The following AFF1 variants were observed in gnomAD, a reference collection of about 807,000 sequenced individuals.
AFF1 encodes the protein AF4/FMR2 family member 1.
In AFF1, 48 loss-of-function variants were observed where a neutral mutation model predicts 121.7. The observed-to-expected ratio is 0.39, with a 90% CI of 0.31 to 0.50. AFF1 has a LOEUF of 0.50. AFF1 is among the 20% of genes least tolerant of loss of function. The probability of loss-of-function intolerance (pLI) is 0.76; values close to 1 mark genes in which losing one functional copy is unlikely to be tolerated. For missense variants in AFF1, 1,523 were observed against 1,511.7 expected (o/e 1.01, Z -0.12); for synonymous variants, 613 against 563.0 (o/e 1.09, Z -1.26).
chr4:87,026,794 T>C (rs7699431), intron 2 of AFF1, among the ~76,000 whole-genome samples: 2,850 of 152,318 alleles, frequency 0.019, 93 homozygotes, highest in African/African-American at 0.065. Context: ...GATTTACTTA[T>C]GTAAAATGCT....
chr4:87,048,203 C>A (rs536421890), intron 4 of AFF1, among the ~76,000 whole-genome samples: 1 of 152,116 alleles, frequency 6.6e-6, no homozygotes, highest in African/African-American at 2.4e-5. Flanking sequence ...TTATTTATCA[C>A]CTAAAAAAGA....
At chr4:87,011,561 A>T (rs962021515) in intron 2 of AFF1, among the ~76,000 whole-genome samples, 1 of 152,248 alleles carries the variant, frequency 6.6e-6, no homozygotes, top group Non-Finnish European at 1.5e-5. Context: ...CTTTGATTAA[A>T]AATGAGCCAT....
rs998087232 is a variant in AFF1, at chr4:86,953,072, TGCTA to T, written c.38+4503_38+4506del. On this transcript the variant is annotated intron_variant, in intron 2 of 20. Coordinates refer to ENST00000395146, the MANE Select transcript of AFF1 (RefSeq NM_001166693.3). Reference sequence around the variant, plus strand: ...ATTCTATGACATATTTTTTTTGTTTTGCTAGTTATTAAGTTTGGATGGGTAACTG... The same window carrying T: ...ATTCTATGACATATTTTTTTTGTTTTGTTATTAAGTTTGGATGGGTAACTG... Among the ~76,000 whole-genome samples the T allele has an allele frequency of 4.6e-5, 7 of 151,990 alleles. No individual in the cohort carries two copies. In the South Asian group the frequency reaches 6.2e-4, roughly 14 times the overall value.
chr4:87,092,654 A>C (rs1438399794), intron 7 of AFF1, among the ~76,000 whole-genome samples: 1 of 152,066 alleles, frequency 6.6e-6, no homozygotes, highest in Non-Finnish European at 1.5e-5. Flanking sequence ...AAAAACCTAA[A>C]ATATTTATTG....
At chr4:86,998,126 A>AAC (rs1186800861) in intron 2 of AFF1, among the ~76,000 whole-genome samples, 1 of 132,776 alleles carries the variant, frequency 7.5e-6, no homozygotes, top group Non-Finnish European at 1.6e-5. Context: ...AAAAAAAAAA[A>AAC]ACAAGAAAAC....
At chr4:87,101,690 A>G (rs915615275) in intron 8 of AFF1, among the ~76,000 whole-genome samples, 2 of 151,970 alleles carry the variant, frequency 1.3e-5, no homozygotes, top group African/African-American at 4.8e-5. Flanking sequence ...CAGATTTGTG[A>G]GATTCTATAA....
Position 87,114,456 on chromosome 4 carries a change from C to T in AFF1, c.1623C>T (p.Ser541=), listed in dbSNP as rs769284405. 6.2e-7 allele frequency: 1 copy of T among 1,613,732 alleles called. No individual in the cohort carries two copies. Among genetic ancestry groups the T allele is most frequent in the South Asian group, 1.1e-5 (1 of 91,076 alleles). The change falls in exon 12 of 21, where the codon AGC becomes AGT. Residue 541 remains serine (S), a synonymous_variant. Transcript: ENST00000395146. ...CTGCGCCACCAGAGGGCCCCAGGAG[C>T]ACAGAGCCCCCACGGCGGCACCCAG... is the stretch of plus-strand genomic sequence containing the variant. ...QPAAPPEGPR[S]TEPPRRHPES...
In AFF1 at chr4:87,136,038, A is replaced by G. The variant is rs560595342; in HGVS notation, c.*337A>G. 2 of 261,014 alleles carry G rather than the reference A, an allele frequency of 7.7e-6. No homozygotes were observed. Among genetic ancestry groups the G allele is most frequent in the Non-Finnish European group, 1.5e-5 (2 of 137,370 alleles). The allele number at this position is 261,014 out of a possible 1,614,324, so 16.2% of individuals were successfully genotyped here. On this transcript the variant is annotated 3_prime_UTR_variant, in exon 21 of 21. Coordinates refer to ENST00000395146, the MANE Select transcript of AFF1 (RefSeq NM_001166693.3). ...CCAGCAGGATACAAGTTGCAAATGA[A>G]ATGAGGAGAAACAGTTTCAACTCTG...
intron 2 of AFF1, among the ~76,000 whole-genome samples, chr4:87,023,598 T>C (rs1369763471): frequency 2.0e-5 from 3 of 152,184 alleles, no homozygotes; most frequent in African/African-American, 7.2e-5. Context: ...TGTAGATAGT[T>C]TCCAGTTTAC....
At chr4:87,028,551 G>A (rs900851837) in intron 2 of AFF1, among the ~76,000 whole-genome samples, 5 of 152,092 alleles carry the variant, frequency 3.3e-5, no homozygotes, top group Admixed American at 3.3e-4. Flanking sequence ...GATGAGTTGT[G>A]TGTGCTTGAT....
At chr4:87,133,239 G>GA (rs1331455464) in intron 19 of AFF1, among the ~76,000 whole-genome samples, 1 of 152,074 alleles carries the variant, frequency 6.6e-6, no homozygotes, top group Admixed American at 6.5e-5. Context: ...TAAGTTATTA[G>GA]AAAAAAAGAA....
intron 2 of AFF1, among the ~76,000 whole-genome samples, chr4:86,985,915 A>G (rs1360249486): frequency 8.7e-6 from 1 of 114,666 alleles, no homozygotes; most frequent in Non-Finnish European, 2.1e-5. Context: ...CTCTCTCTGA[A>G]TAAGCAAAGA....
At chr4:87,007,022 T>C in intron 2 of AFF1, 1 of 1,139,688 alleles carries the variant, frequency 8.8e-7, no homozygotes, top group Non-Finnish European at 1.1e-6. Context: ...GTGGCCCGCG[T>C]TGTGCTGTTG....
chr4:86,985,181 C>CTATATATATATATATATATATA (rs55891819), intron 2 of AFF1, among the ~76,000 whole-genome samples: 167 of 96,410 alleles, frequency 1.7e-3, no homozygotes, highest in East Asian at 3.9e-3. Flanking sequence ...ATATGTATTA[C>CTATATATATATATATATATATA]TATATATATA....
chr4:86,993,617 A>G (rs1277952060), intron 2 of AFF1, among the ~76,000 whole-genome samples: 1 of 152,184 alleles, frequency 6.6e-6, no homozygotes, highest in Non-Finnish European at 1.5e-5. Context: ...ATTTTATAGT[A>G]CTGTGCTTCT....
chr4:87,031,786 G>A (rs1444834753), intron 2 of AFF1, among the ~76,000 whole-genome samples: 1 of 152,184 alleles, frequency 6.6e-6, no homozygotes, highest in East Asian at 1.9e-4. Context: ...ATATATTAGT[G>A]TCTGCTTTTC....
chr4:86,983,634 C>T (rs1005054088), intron 2 of AFF1, among the ~76,000 whole-genome samples: 1 of 151,756 alleles, frequency 6.6e-6, no homozygotes, highest in Non-Finnish European at 1.5e-5. Flanking sequence ...GCATGAACCC[C>T]GGAGGTGGAG....
At chr4:87,044,179 A>G (rs1473152598) in intron 2 of AFF1, among the ~76,000 whole-genome samples, 5 of 152,176 alleles carry the variant, frequency 3.3e-5, no homozygotes, top group Non-Finnish European at 5.9e-5. Flanking sequence ...CTCTCCATAC[A>G]TCCTACTCCC....
chr4:87,054,048 C>A (rs756224059), intron 4 of AFF1, among the ~76,000 whole-genome samples: 1 of 152,154 alleles, frequency 6.6e-6, no homozygotes, highest in Admixed American at 6.5e-5. Context: ...TGTGCAGAGA[C>A]CATTAGAGAA....
Sources: allele counts gnomAD v4.1 joint callset (sites outside exome capture counted in the v4.1 genomes callset), GRCh38; gene constraint gnomAD v4.1.1; transcripts MANE v1.5; gene names NCBI Gene and HGNC (gene_info 2026-07-23, HGNC 2026-07-21).